Variants in PBX1 observed in about 807,000 individuals in gnomAD.
PBX1 encodes the protein pre-B-cell leukemia transcription factor 1.
A neutral mutation model predicts 53.4 loss-of-function variants in PBX1; 6 were observed. The observed-to-expected ratio is 0.11, with a 90% CI of 0.06 to 0.22. The LOEUF is 0.22. Among genes scored for constraint, PBX1 ranks in the 10% least tolerant of loss-of-function variants. PBX1 has a pLI of 1.00. For missense variants in PBX1, 251 were observed against 551.4 expected (o/e 0.46, Z 5.46); for synonymous variants, 204 against 212.3 (o/e 0.96, Z 0.34).
At chr1:164,626,287 G>A (rs933726558) in intron 2 of PBX1, among the ~76,000 whole-genome samples, 3 of 152,194 alleles carry the variant, frequency 2.0e-5, no homozygotes, top group Admixed American at 2.0e-4. Context: ...ATTTTCAGTA[G>A]TAGGTTTTCC....
intron 2 of PBX1, among the ~76,000 whole-genome samples, chr1:164,740,913 G>A (rs759700493): frequency 3.3e-5 from 5 of 152,206 alleles, no homozygotes; most frequent in Non-Finnish European, 7.3e-5. Context: ...GTGGAATTAA[G>A]ATTTGGAGAT....
chr1:164,820,622 C>T (rs536543692), intron 7 of PBX1, among the ~76,000 whole-genome samples: 1 of 152,154 alleles, frequency 6.6e-6, no homozygotes, highest in African/African-American at 2.4e-5. Context: ...CGGACGTTTT[C>T]ATTTTAAGCT....
At chr1:164,862,186 G>A (rs1351570344) in intron 2 of PBX1, among the ~76,000 whole-genome samples, 2 of 152,180 alleles carry the variant, frequency 1.3e-5, no homozygotes, top group Admixed American at 6.5e-5. Flanking sequence ...AGTTGATAGT[G>A]TGAGGACCCA....
chr1:164,564,148 G>A (rs556174740), intron 2 of PBX1: 1 of 152,262 alleles, frequency 6.6e-6, no homozygotes, highest in South Asian at 2.1e-4. Context: ...AAGGCAATCT[G>A]AAACCAGGGA....
At chr1:164,834,029 ATGTGTGTGTGTGTGTG>A (rs35739146) in intron 8 of PBX1, among the ~76,000 whole-genome samples, 8 of 128,234 alleles carry the variant, frequency 6.2e-5, no homozygotes, top group Non-Finnish European at 1.1e-4. Flanking sequence ...ATATATGTAT[ATGTGTGTGTGTGTGTG>A]TGTGTGTGTG....
intron 2 of PBX1, among the ~76,000 whole-genome samples, chr1:164,870,319 TTCTTTCTTTCTTTC>T (rs1310323421): frequency 1.5e-4 from 16 of 104,584 alleles, no homozygotes; most frequent in Non-Finnish European, 1.9e-4. Context: ...CTTTCTTTCT[TTCTTTCTTTCTTTC>T]TTTCTTTCTT....
At chr1:164,856,624 C>T (rs547835148), downstream of PBX1, among the ~76,000 whole-genome samples, 6 of 152,194 alleles carry the variant, frequency 3.9e-5, no homozygotes, top group South Asian at 1.2e-3. Context: ...TCCGCCCTCC[C>T]AGGAGCCCTC....
chr1:164,655,535 C>G (rs1271205021), intron 2 of PBX1, among the ~76,000 whole-genome samples: 1 of 152,146 alleles, frequency 6.6e-6, no homozygotes, highest in Admixed American at 6.5e-5. Context: ...CTGTTGGGAC[C>G]ACTCTTAATC....
intron 2 of PBX1, among the ~76,000 whole-genome samples, chr1:164,677,869 G>A (rs1661529271): frequency 1.3e-5 from 2 of 152,132 alleles, no homozygotes; most frequent in South Asian, 4.1e-4. Context: ...GAATAGGATG[G>A]CATTAGTAGG....
At chr1:164,830,354 T>C (rs1332336043) in intron 8 of PBX1, among the ~76,000 whole-genome samples, 4 of 152,190 alleles carry the variant, frequency 2.6e-5, no homozygotes, top group African/African-American at 9.7e-5. Flanking sequence ...GGTGTCACCA[T>C]GCTGTGAAAA....
intron 1 of PBX1, 124 bp downstream of exon 1, chr1:164,560,137 T>G: frequency 2.7e-6 from 2 of 746,652 alleles, no homozygotes; most frequent in Non-Finnish European, 4.1e-6. Context: ...CTTTTCTCAT[T>G]TTGACAAGCA....
chr1:164,789,560 A>G (rs1390550365), intron 2 of PBX1, among the ~76,000 whole-genome samples: 1 of 152,208 alleles, frequency 6.6e-6, no homozygotes. Flanking sequence ...TGATTGGAGG[A>G]GGTAGGATAC....
Position 164,559,269 on chromosome 1 carries a change from C to T in PBX1, c.-554C>T, listed in dbSNP as rs984975180. 1 of 179,344 alleles carries T rather than the reference C, an allele frequency of 5.6e-6. No individual in the cohort carries two copies. The highest frequency in any genetic ancestry group is 6.6e-5 in the Admixed American group (1 of 15,188). 11.1% of individuals were successfully genotyped at this position (179,344 alleles called of 1,614,324 possible). A position where few individuals can be genotyped will look rare whatever the true frequency, so the allele number is the denominator to read the frequency against. On this transcript the variant is annotated 5_prime_UTR_variant, in exon 1 of 9. Transcript: ENST00000420696. ...GCCTGTGCTTTGCCTGCCGCCGCGGCTGGGGGAGATCTGGCTTTTGCAACA... is the reference window on the plus strand; with the variant it reads ...GCCTGTGCTTTGCCTGCCGCCGCGGTTGGGGGAGATCTGGCTTTTGCAACA...
intron 2 of PBX1, among the ~76,000 whole-genome samples, chr1:164,866,447 T>C (rs999021685): frequency 1.3e-5 from 2 of 152,230 alleles, no homozygotes; most frequent in African/African-American, 4.8e-5. Context: ...GGTGACAACA[T>C]AGGACAGCAA....
intron 2 of PBX1, among the ~76,000 whole-genome samples, chr1:164,603,405 T>G (rs1460527814): frequency 6.6e-6 from 1 of 152,188 alleles, no homozygotes; most frequent in Non-Finnish European, 1.5e-5. Context: ...GGATTTGTCC[T>G]GGAGGACCTG....
chr1:164,862,529 T>C (rs1672124448), intron 2 of PBX1, among the ~76,000 whole-genome samples: 1 of 152,216 alleles, frequency 6.6e-6, no homozygotes, highest in Non-Finnish European at 1.5e-5. Flanking sequence ...GTTATCCCAA[T>C]TACCATCTCA....
chr1:164,734,161 G>C (rs918522556), intron 2 of PBX1, among the ~76,000 whole-genome samples: 1 of 152,136 alleles, frequency 6.6e-6, no homozygotes, highest in Non-Finnish European at 1.5e-5. Flanking sequence ...TTTCAAATAC[G>C]TTGGATCCTA....
rs1671773134 is a variant in PBX1, at chr1:164,850,356, AAG to A, written c.*3681_*3682del. 2 of 210,726 alleles carry A rather than the reference AAG, an allele frequency of 9.5e-6. No individual in the cohort carries two copies. The highest frequency in any genetic ancestry group is 1.9e-5 in the Non-Finnish European group (2 of 103,856). The allele number at this position is 210,726 out of a possible 1,614,324, so 13.1% of individuals were successfully genotyped here. On this transcript the variant is annotated 3_prime_UTR_variant, in exon 9 of 9. Transcript: ENST00000420696. Reference sequence around the variant, plus strand: ...TTTGTAAACTAAAAAAAAAAAAAAAAAGGTTGGAATAGTGAGCATAATAGGTA... The same window carrying A: ...TTTGTAAACTAAAAAAAAAAAAAAAAGTTGGAATAGTGAGCATAATAGGTA...
At chr1:164,601,472 G>T (rs1423079973) in intron 2 of PBX1, among the ~76,000 whole-genome samples, 1 of 152,110 alleles carries the variant, frequency 6.6e-6, no homozygotes, top group Admixed American at 6.5e-5. Flanking sequence ...CATTATGAAG[G>T]GATAAGGATT....
Sources: allele counts gnomAD v4.1 joint callset (sites outside exome capture counted in the v4.1 genomes callset), GRCh38; gene constraint gnomAD v4.1.1; transcripts MANE v1.5; gene names NCBI Gene and HGNC (gene_info 2026-07-23, HGNC 2026-07-21).